Variants in CDK8 observed in about 807,000 individuals in gnomAD.
CDK8 encodes the protein cyclin-dependent kinase 8.
CDK8 carries 29 observed loss-of-function variants against 71.5 expected under a neutral mutation model. The ratio of observed to expected loss-of-function variants is 0.41; its 90% CI spans 0.30 to 0.55. The LOEUF (loss-of-function observed/expected upper bound fraction) is 0.55, where lower values mean the gene tolerates loss of function less well. Ranked by LOEUF, CDK8 falls within the 20% of genes least tolerant of loss-of-function variation. CDK8 has a pLI of 0.37. For missense variants in CDK8, 288 were observed against 572.6 expected, an observed-to-expected ratio of 0.50 and a Z score of 5.07; for synonymous variants, 161 against 192.1, an observed-to-expected ratio of 0.84 and a Z score of 1.34.
In CDK8 at chr13:26,403,946, T is replaced by C; in HGVS notation, c.1270-10T>C. Reference sequence around the variant, plus strand: ...ACCTGAATCACACTTTTCCCTCATCTCCTTTCCAGCGTTCCAATCCACATG... The same window carrying C: ...ACCTGAATCACACTTTTCCCTCATCCCCTTTCCAGCGTTCCAATCCACATG... On this transcript the variant is annotated splice_polypyrimidine_tract_variant and intron_variant, in intron 12 of 12. Transcript: ENST00000381527. 1.2e-6 allele frequency: 2 copies of C among 1,610,378 alleles called. No individual in the cohort carries two copies. Among genetic ancestry groups the C allele is most frequent in the South Asian group, 2.2e-5 (2 of 91,062 alleles).
chr13:26,276,885 C>T (rs1019855542), intron 1 of CDK8, among the ~76,000 whole-genome samples: 1 of 152,176 alleles, frequency 6.6e-6, no homozygotes, highest in Non-Finnish European at 1.5e-5. Context: ...TGACTAAATT[C>T]AATAAAAACA....
chr13:26,290,799 CA>C (rs957014712), intron 1 of CDK8, among the ~76,000 whole-genome samples: 1 of 151,386 alleles, frequency 6.6e-6, no homozygotes, highest in Non-Finnish European at 1.5e-5. Context: ...GCATGGTTTG[CA>C]AAAAACAAAC....
At chr13:26,280,175 G>A (rs144518122) in intron 1 of CDK8, among the ~76,000 whole-genome samples, 65 of 152,176 alleles carry the variant, frequency 4.3e-4, no homozygotes, top group South Asian at 1.7e-3. Flanking sequence ...AAATAATTAC[G>A]TGTAAAATTT....
chr13:26,318,596 T>C (rs1874621651), intron 1 of CDK8, among the ~76,000 whole-genome samples: 1 of 152,214 alleles, frequency 6.6e-6, no homozygotes. Context: ...ACCAAGTTAT[T>C]TTATTTATTT....
chr13:26,274,934 G>A (rs945779498), intron 1 of CDK8, among the ~76,000 whole-genome samples: 2 of 151,412 alleles, frequency 1.3e-5, no homozygotes, highest in Non-Finnish European at 2.9e-5. Context: ...TGTTTTTATG[G>A]GTTTCAAAAT....
intron 1 of CDK8, among the ~76,000 whole-genome samples, chr13:26,310,372 A>G (rs1874227472): frequency 1.3e-5 from 2 of 152,110 alleles, no homozygotes; most frequent in African/African-American, 4.8e-5. Flanking sequence ...TTTGTGGAAA[A>G]CAATTTTTCC....
chr13:26,301,633 G>A (rs540893513), intron 1 of CDK8, among the ~76,000 whole-genome samples: 1 of 152,314 alleles, frequency 6.6e-6, no homozygotes, highest in South Asian at 2.1e-4. Context: ...TATCAATGTA[G>A]ATTCTGCAAG....
chr13:26,386,199 A>G (rs1227105478), intron 6 of CDK8, among the ~76,000 whole-genome samples: 1 of 152,156 alleles, frequency 6.6e-6, no homozygotes, highest in Non-Finnish European at 1.5e-5. Context: ...CACTTTGTCA[A>G]TGTTGACATT....
At chr13:26,342,955 T>C (rs1565979577) in intron 2 of CDK8, among the ~76,000 whole-genome samples, 1 of 152,176 alleles carries the variant, frequency 6.6e-6, no homozygotes, top group Non-Finnish European at 1.5e-5. Flanking sequence ...ATAGCCTCCT[T>C]CTTCCTGTCT....
At chr13:26,308,097 A>C (rs1305125325) in intron 1 of CDK8, among the ~76,000 whole-genome samples, 1 of 152,248 alleles carries the variant, frequency 6.6e-6, no homozygotes, top group Non-Finnish European at 1.5e-5. Context: ...CAGTTGGTAC[A>C]TTCGTAAACA....
chr13:26,377,618 C>T lies in CDK8; in HGVS notation c.457-5196C>T, dbSNP rs548430203. Among the ~76,000 whole-genome samples the T allele has an allele frequency of 4.4e-3, 668 of 151,958 alleles. 3 individuals are homozygous for T. Among genetic ancestry groups the T allele is most frequent in the Non-Finnish European group, 7.2e-3 (491 of 67,970 alleles). ...TTCTCCTTGAGCTTAAGGTGTTCAG[C>T]AGTACTAGTGGAGTAAACTTCAGTA... On this transcript the variant is annotated intron_variant, in intron 4 of 12. Coordinates refer to ENST00000381527, the MANE Select transcript of CDK8 (RefSeq NM_001260.3).
At chr13:26,348,926 ATCCGTC>A in intron 2 of CDK8, 140 bp from the exon 3 acceptor site, 1 of 659,842 alleles carries the variant, frequency 1.5e-6, no homozygotes, top group South Asian at 1.7e-5. Flanking sequence ...TTACTGAAGT[ATCCGTC>A]TCAGAATTGT....
intron 3 of CDK8, among the ~76,000 whole-genome samples, chr13:26,352,255 G>T (rs1232060530): frequency 6.6e-6 from 1 of 151,352 alleles, no homozygotes; most frequent in Non-Finnish European, 1.5e-5. Context: ...TCGCTCTGTC[G>T]CCCAGGCTGG....
chr13:26,282,875 AT>A (rs59611500), intron 1 of CDK8, among the ~76,000 whole-genome samples: 126,270 of 152,138 alleles, frequency 0.83, 54,076 homozygotes, highest in East Asian at 1. Context: ...GGAAAAAGAT[AT>A]TTCATGCAAA....
intron 1 of CDK8, among the ~76,000 whole-genome samples, chr13:26,273,574 A>T (rs1872428958): frequency 6.6e-6 from 1 of 152,024 alleles, no homozygotes; most frequent in Non-Finnish European, 1.5e-5. Context: ...TATATGATAT[A>T]CTTGGAACAC....
intron 1 of CDK8, among the ~76,000 whole-genome samples, chr13:26,277,287 T>C (rs574703427): frequency 1.1e-4 from 16 of 152,318 alleles, no homozygotes; most frequent in African/African-American, 3.8e-4. Context: ...ATAGTAAGTA[T>C]TGTATTAATA....
chr13:26,348,242 A>T (rs1471891501), intron 2 of CDK8, among the ~76,000 whole-genome samples: 2 of 152,196 alleles, frequency 1.3e-5, no homozygotes, highest in African/African-American at 4.8e-5. Context: ...AGGGACAGAT[A>T]GTAGAGTAGA....
chr13:26,386,794 A>G (rs1166159062), intron 6 of CDK8, among the ~76,000 whole-genome samples: 1 of 152,186 alleles, frequency 6.6e-6, no homozygotes, highest in African/African-American at 2.4e-5. Context: ...TCTAGTGTCA[A>G]TATTGCTAAT....
chr13:26,356,629 C>G (rs1343650904), intron 4 of CDK8, among the ~76,000 whole-genome samples: 1 of 152,114 alleles, frequency 6.6e-6, no homozygotes, highest in East Asian at 1.9e-4. Flanking sequence ...AATGTGAACA[C>G]CTTCCTGCCA....
Sources: allele counts gnomAD v4.1 joint callset (sites outside exome capture counted in the v4.1 genomes callset), GRCh38; gene constraint gnomAD v4.1.1; transcripts MANE v1.5; gene names NCBI Gene and HGNC (gene_info 2026-07-23, HGNC 2026-07-21).